Variants in ATPAF2 observed in about 807,000 individuals in gnomAD.
ATPAF2 encodes the protein ATP12 homolog.
ATPAF2 carries 30 observed loss-of-function variants against 36.6 expected under a neutral mutation model. The observed-to-expected ratio is 0.82, with a 90% CI of 0.61 to 1.11. The LOEUF is 1.11. Among genes scored for constraint, ATPAF2 ranks in the 50% most tolerant of loss-of-function variants. The pLI is 0.00. For synonymous variants in ATPAF2, 140 were observed against 152.6 expected (o/e 0.92, Z 0.61); for missense variants, 321 against 372.3 (o/e 0.86, Z 1.13).
Position 18,018,668 on chromosome 17 carries a change from T to C in ATPAF2, c.751A>G (p.Ile251Val). The change falls in exon 8 of 8, where the codon ATT becomes GTT. Residue 251 changes from isoleucine (I) to valine (V), a missense_variant. Transcript: ENST00000474627. Reference protein sequence around the residue: ...EEYQIQKWGNIEWAHDYELQE... With the variant: ...EEYQIQKWGNVEWAHDYELQE... ...AGCTCATAGTCATGGGCCCACTCAA[T>C]GTTGCCCCACTTCTGGATCTGAGGG... 6.2e-7 allele frequency: 1 copy of C among 1,614,006 alleles called. No individual in the cohort carries two copies. Among genetic ancestry groups the C allele is most frequent in the Non-Finnish European group, 8.5e-7 (1 of 1,180,004 alleles).
intron 7 of ATPAF2, 128 bp from the exon 8 acceptor site, chr17:18,018,814 A>T: frequency 7.2e-7 from 1 of 1,386,100 alleles, no homozygotes; most frequent in African/African-American, 1.4e-5. Context: ...AACACATGAG[A>T]CATGCCTAGG....
At chr17:18,031,556 G>A (rs1044177535) in intron 1 of ATPAF2, among the ~76,000 whole-genome samples, 3 of 151,786 alleles carry the variant, frequency 2.0e-5, no homozygotes, top group South Asian at 2.1e-4. Context: ...TGAGGCGGGC[G>A]GATCACGAGG....
Position 18,018,355 on chromosome 17 carries a change from G to T in ATPAF2, c.*194C>A, listed in dbSNP as rs143710995. The T allele has an allele frequency of 2.5e-5, 17 of 685,402 alleles. No individual in the cohort carries two copies. The highest frequency in any genetic ancestry group is 9.0e-5 in the African/African-American group (5 of 55,658). 42.5% of individuals were successfully genotyped at this position (685,402 alleles called of 1,614,324 possible). The stretch of plus-strand genomic sequence containing the variant: ...ACATTCACTGCTGGCCAGGCCAGGG[G>T]CACCTGGGTTGAAATCAGGCTGACC... On this transcript the variant is annotated 3_prime_UTR_variant, in exon 8 of 8. Transcript: ENST00000474627.
chr17:18,039,145 C>A lies in ATPAF2; in HGVS notation c.-132G>T. 1.5e-6 allele frequency: 2 copies of A among 1,305,416 alleles called. No homozygotes were observed. The highest frequency in any genetic ancestry group is 2.1e-6 in the Non-Finnish European group (2 of 941,414). 80.9% of individuals were successfully genotyped at this position (1,305,416 alleles called of 1,614,324 possible). On this transcript the variant is annotated 5_prime_UTR_variant, in exon 1 of 8. It adds an upstream start codon to the 5' untranslated region. Transcript: ENST00000474627. The surrounding 1 kb of genome is among the most constrained non-coding windows in gnomAD (Gnocchi z 5.3). Reference sequence around the variant, plus strand: ...CGCCTCCTCAGAGCCCTCAACCTCCCTTGGACGCCGCCATCTTCCGCATGA... The same window carrying A: ...CGCCTCCTCAGAGCCCTCAACCTCCATTGGACGCCGCCATCTTCCGCATGA...
At chr17:18,025,382 C>T (rs758810091) in intron 4 of ATPAF2, 1 of 158,560 alleles carries the variant, frequency 6.3e-6, no homozygotes, top group Non-Finnish European at 1.4e-5. Flanking sequence ...GCTGCAGGGC[C>T]TCATGGGATG....
chr17:18,028,447 C>A, intron 2 of ATPAF2, 70 bp from the exon 3 acceptor site: 1 of 1,592,376 alleles, frequency 6.3e-7, no homozygotes, highest in Middle Eastern at 1.7e-4. Flanking sequence ...CTATATTTAG[C>A]CACTTGAATT....
At chr17:18,032,398 G>A (rs2044648713) in intron 1 of ATPAF2, among the ~76,000 whole-genome samples, 1 of 152,190 alleles carries the variant, frequency 6.6e-6, no homozygotes, top group African/African-American at 2.4e-5. Context: ...AGATGGGAGT[G>A]GGATAGATGG....
At chr17:18,019,028 A>G (rs2044426971) in intron 7 of ATPAF2, among the ~76,000 whole-genome samples, 1 of 152,068 alleles carries the variant, frequency 6.6e-6, no homozygotes, top group African/African-American at 2.4e-5. Context: ...AGTCCCAGCT[A>G]TTTGAGAGAC....
chr17:18,023,296 T>TA (rs1041075819), intron 5 of ATPAF2, among the ~76,000 whole-genome samples: 1 of 151,746 alleles, frequency 6.6e-6, no homozygotes, highest in Non-Finnish European at 1.5e-5. Flanking sequence ...CTGGGCGTGG[T>TA]GGGCGCCTGT....
At chr17:18,037,780 GA>G (rs1280557564) in intron 1 of ATPAF2, among the ~76,000 whole-genome samples, 3 of 152,206 alleles carry the variant, frequency 2.0e-5, no homozygotes. Context: ...AACTGCCTGT[GA>G]AGTTCTGGAT....
chr17:18,028,168 A>C, intron 3 of ATPAF2, 64 bp downstream of exon 3: 1 of 1,608,498 alleles, frequency 6.2e-7, no homozygotes, highest in Non-Finnish European at 8.5e-7. Flanking sequence ...AATTTGGTAA[A>C]GGGTCTACCC....
At chr17:18,023,693 C>T (rs1323199184) in intron 5 of ATPAF2, among the ~76,000 whole-genome samples, 1 of 152,086 alleles carries the variant, frequency 6.6e-6, no homozygotes, top group Non-Finnish European at 1.5e-5. Flanking sequence ...CTTTTAAGAC[C>T]CAAGGACACC....
chr17:18,029,561 G>A (rs929423276), intron 1 of ATPAF2, among the ~76,000 whole-genome samples: 10 of 152,066 alleles, frequency 6.6e-5, no homozygotes, highest in South Asian at 2.1e-4. Flanking sequence ...GAAGAAAAAA[G>A]AGTAAATCAT....
downstream of ATPAF2, chr17:18,016,804 T>TCC: frequency 4.0e-6 from 2 of 501,278 alleles, no homozygotes; most frequent in East Asian, 6.3e-5. Flanking sequence ...ACACCATTCT[T>TCC]CCCCCACCCC....
intron 2 of ATPAF2, 93 bp from the exon 3 acceptor site, chr17:18,028,470 GCCAACT>G (rs1567576394): frequency 6.4e-7 from 1 of 1,566,518 alleles, no homozygotes; most frequent in African/African-American, 1.4e-5. Flanking sequence ...TGCAGACAAA[GCCAACT>G]CTGAGTCCCT....
rs1324958569 is a variant in ATPAF2 at position 18,024,619 on chromosome 17, C to G, written c.503+5G>C. 7 of 1,613,328 alleles carry G rather than the reference C, an allele frequency of 4.3e-6. No individual in the cohort carries two copies. The South Asian group carries it at 7.7e-5, about 18-fold the overall frequency. On this transcript the variant is annotated splice_donor_5th_base_variant and intron_variant, in intron 5 of 7. Transcript: ENST00000474627. ...CAGTGCTTTCTGCAGGGCTGTACAT[C>G]TTACCTTTTCTCAGCCCATTCGATG...
chr17:18,039,097 C>A lies in ATPAF2; in HGVS notation c.-84G>T. 2 of 1,534,494 alleles carry A rather than the reference C, an allele frequency of 1.3e-6. No homozygotes were observed. Among genetic ancestry groups the A allele is most frequent in the Non-Finnish European group, 1.8e-6 (2 of 1,138,612 alleles). On this transcript the variant is annotated 5_prime_UTR_variant, in exon 1 of 8. Coordinates refer to ENST00000474627, the MANE Select transcript of ATPAF2 (RefSeq NM_145691.4). This position sits in a 1 kb window ranked among gnomAD's most constrained non-coding sequence, Gnocchi z 5.3. ...GATGGGATCCCCAAAGCCGCACGGT[C>A]GGGCTGTACGGAAACCTCTCAACGC... is the stretch of plus-strand genomic sequence containing the variant.
At chr17:18,030,401 G>T (rs2044611403) in intron 1 of ATPAF2, among the ~76,000 whole-genome samples, 1 of 149,730 alleles carries the variant, frequency 6.7e-6, no homozygotes, top group Non-Finnish European at 1.5e-5. Context: ...CAGCTACTAG[G>T]AAGGCTGAAG....
At chr17:18,017,478 GC>G (rs985134085), downstream of ATPAF2, among the ~76,000 whole-genome samples, 5 of 152,234 alleles carry the variant, frequency 3.3e-5, no homozygotes, top group African/African-American at 1.2e-4. Context: ...CAGTGCTGGG[GC>G]CTGGGCCTGC....
Sources: gnomAD v4.1 joint callset for allele counts (sites outside exome capture counted in the v4.1 genomes callset) on GRCh38, gnomAD v4.1.1 for gene constraint, Gnocchi (gnomAD v3.1) non-coding constraint, MANE v1.5 for transcripts, NCBI Gene and HGNC (gene_info 2026-07-23, HGNC 2026-07-21) for gene names.